Variants in CREB1 observed in about 807,000 individuals in gnomAD.
CREB1 encodes cAMP responsive element binding protein 1, also known as cyclic AMP-responsive element-binding protein 1.
Under a neutral mutation model 42.0 loss-of-function variants are expected in CREB1, and 2 were observed. The ratio of observed to expected loss-of-function variants is 0.05; its 90% confidence interval spans 0.02 to 0.15. The LOEUF (loss-of-function observed/expected upper bound fraction) is 0.15. Among genes scored for constraint, CREB1 ranks in the 10% least tolerant of loss-of-function variants. The probability of loss-of-function intolerance (pLI) is 1.00; values close to 1 mark genes in which losing one functional copy is unlikely to be tolerated. For synonymous variants in CREB1, 123 were observed against 139.9 expected, an observed-to-expected ratio of 0.88 and a Z score of 0.85; for missense variants, 199 against 388.9, an observed-to-expected ratio of 0.51 and a Z score of 4.11.
At position 207,597,207 on chromosome 2, in the gene CREB1, G is replaced by A; in HGVS notation, c.*149G>A. ...AGCAACTACAGAATTTCATTCATTT[G>A]TGCTTTTGCATTAAACTGTGAATGT... is the stretch of plus-strand genomic sequence containing the variant. On this transcript the variant is annotated 3_prime_UTR_variant, in exon 8 of 8. Coordinates refer to ENST00000353267, the MANE Select transcript of CREB1 (RefSeq NM_004379.5). The A allele has an allele frequency of 1.2e-6, 1 of 847,186 alleles. No individual in the cohort carries two copies. Among genetic ancestry groups the A allele is most frequent in the Middle Eastern group, 3.7e-4 (1 of 2,682 alleles). The allele number at this position is 847,186 out of a possible 1,614,324, so 52.5% of individuals were successfully genotyped here. A position where few individuals can be genotyped will look rare whatever the true frequency, so the allele number is the denominator to read the frequency against.
chr2:207,552,692 G>A (rs1355623691), intron 1 of CREB1, among the ~76,000 whole-genome samples: 1 of 147,588 alleles, frequency 6.8e-6, no homozygotes, highest in African/African-American at 2.5e-5. Flanking sequence ...TACAACCTCC[G>A]CCTCCCGGGT....
chr2:207,600,350 A>C lies in CREB1; in HGVS notation c.*3292A>C, dbSNP rs2086850153. On this transcript the variant is annotated 3_prime_UTR_variant, in exon 8 of 8. Transcript: ENST00000353267. ...ATATTGAGGTCAGATGAAATTTTAC[A>C]TTTTTGTGTGTTCTGTTGCATTCCT... The C allele has an allele frequency of 5.4e-6, 1 of 184,540 alleles. No homozygotes were observed. Among genetic ancestry groups the C allele is most frequent in the Non-Finnish European group, 1.1e-5 (1 of 87,300 alleles). 11.4% of individuals were successfully genotyped at this position (184,540 alleles called of 1,614,324 possible).
At chr2:207,533,864 A>G (rs2080757158) in intron 1 of CREB1, among the ~76,000 whole-genome samples, 1 of 152,256 alleles carries the variant, frequency 6.6e-6, no homozygotes, top group South Asian at 2.1e-4. Context: ...TCTGAATCCA[A>G]GCATTGCCAC....
rs964751497 is a variant in CREB1, at chr2:207,602,280, C to A, written c.*5222C>A. ...ATAAAATAGAACAAAGCCGGTGATGCAAGTTGATATTATAAACAGGCAGTT... is the reference window on the plus strand; with the variant it reads ...ATAAAATAGAACAAAGCCGGTGATGAAAGTTGATATTATAAACAGGCAGTT... On this transcript the variant is annotated 3_prime_UTR_variant, in exon 8 of 8. Coordinates refer to ENST00000353267, the MANE Select transcript of CREB1 (RefSeq NM_004379.5). 5.2e-6 allele frequency: 1 copy of A among 190,850 alleles called. No individual in the cohort carries two copies. The highest frequency in any genetic ancestry group is 2.3e-5 in the African/African-American group (1 of 42,840). The allele number at this position is 190,850 out of a possible 1,614,324, so 11.8% of individuals were successfully genotyped here.
At chr2:207,587,309 C>T (rs951006788) in intron 7 of CREB1, among the ~76,000 whole-genome samples, 86 of 151,242 alleles carry the variant, frequency 5.7e-4, no homozygotes, top group African/African-American at 2.0e-3. Context: ...AGGAGAATGG[C>T]GTGAACCCGG....
intron 1 of CREB1, among the ~76,000 whole-genome samples, chr2:207,536,453 G>A (rs1435242990): frequency 2.0e-5 from 3 of 152,082 alleles, no homozygotes; most frequent in Admixed American, 6.5e-5. Flanking sequence ...TACTCAGGAG[G>A]CTGAGGCAGG....
intron 7 of CREB1, 143 bp from the exon 8 acceptor site, chr2:207,596,771 C>T: frequency 1.0e-6 from 1 of 979,236 alleles, no homozygotes; most frequent in Non-Finnish European, 1.5e-6. Flanking sequence ...CCAAGTAATT[C>T]TGTATATCTT....
In CREB1 at chr2:207,600,333, G is replaced by A. The variant is rs1208548378; in HGVS notation, c.*3275G>A. 3 of 180,938 alleles carry A rather than the reference G, an allele frequency of 1.7e-5. No homozygotes were observed. The highest frequency in any genetic ancestry group is 7.1e-5 in the African/African-American group (3 of 42,274). The allele number at this position is 180,938 out of a possible 1,614,324, so 11.2% of individuals were successfully genotyped here. A position where few individuals can be genotyped will look rare whatever the true frequency, so the allele number is the denominator to read the frequency against. On this transcript the variant is annotated 3_prime_UTR_variant, in exon 8 of 8. Coordinates refer to ENST00000353267, the MANE Select transcript of CREB1 (RefSeq NM_004379.5). ...ATGCTGAGTATTATAGTATATTGAG[G>A]TCAGATGAAATTTTACATTTTTGTG...
At chr2:207,560,093 A>T (rs2081896351) in intron 2 of CREB1, 133 bp from the exon 3 acceptor site, 6 of 697,436 alleles carry the variant, frequency 8.6e-6, no homozygotes, top group African/African-American at 3.5e-5. Flanking sequence ...TTTAGTCATT[A>T]CTTTCATATC....
At chr2:207,596,228 G>A (rs1030592056) in intron 7 of CREB1, among the ~76,000 whole-genome samples, 1 of 152,126 alleles carries the variant, frequency 6.6e-6, no homozygotes, top group African/African-American at 2.4e-5. Flanking sequence ...GAGACTGTTA[G>A]ATTTTTTTAA....
At chr2:207,587,657 G>C (rs1318440753) in intron 7 of CREB1, among the ~76,000 whole-genome samples, 1 of 152,186 alleles carries the variant, frequency 6.6e-6, no homozygotes, top group Non-Finnish European at 1.5e-5. Flanking sequence ...GGATGAACTT[G>C]GGGGACATTA....
chr2:207,537,587 T>C lies in CREB1; in HGVS notation c.-9+7453T>C, dbSNP rs542289663. Among the ~76,000 whole-genome samples, 12 of 152,322 alleles carry C rather than the reference T, an allele frequency of 7.9e-5. No individual in the cohort carries two copies. The South Asian group carries it at 2.5e-3, about 32-fold the overall frequency. On this transcript the variant is annotated intron_variant, in intron 1 of 7. Transcript: ENST00000353267. ...TAAATATATGCTAGTTTAGTCATTA[T>C]AGAAGAGCCAGATGCTGGTCAGCTT...
chr2:207,560,151 G>T, intron 2 of CREB1, 75 bp from the exon 3 acceptor site: 1 of 1,367,764 alleles, frequency 7.3e-7, no homozygotes. Flanking sequence ...CTTCTAAAAA[G>T]TTATTTCATA....
At chr2:207,580,198 A>G (rs538617440) in intron 7 of CREB1, among the ~76,000 whole-genome samples, 32 of 152,274 alleles carry the variant, frequency 2.1e-4, no homozygotes, top group South Asian at 1.2e-3. Flanking sequence ...ACACTTTATG[A>G]GATTAGTAGA....
chr2:207,546,596 G>A (rs565759149), intron 1 of CREB1, among the ~76,000 whole-genome samples: 29 of 152,122 alleles, frequency 1.9e-4, no homozygotes, highest in African/African-American at 3.4e-4. Flanking sequence ...CTGTGGTGGC[G>A]GGTGCCTGTA....
chr2:207,536,630 T>C (rs759435529), intron 1 of CREB1, among the ~76,000 whole-genome samples: 5 of 152,230 alleles, frequency 3.3e-5, no homozygotes, highest in African/African-American at 9.6e-5. Flanking sequence ...GTTGATCATA[T>C]ATACAAAGTT....
At chr2:207,587,637 G>C (rs1017706023) in intron 7 of CREB1, among the ~76,000 whole-genome samples, 1 of 152,180 alleles carries the variant, frequency 6.6e-6, no homozygotes, top group Non-Finnish European at 1.5e-5. Context: ...TACATCATTT[G>C]TGGCCATGTG....
In CREB1 at chr2:207,535,674, G is replaced by A. The variant is rs911921190; in HGVS notation, c.-9+5540G>A. On this transcript the variant is annotated intron_variant, in intron 1 of 7. Transcript: ENST00000353267. ...ATAGATGATTTTTTTACCCCCGTGG[G>A]GAAACCTTTGGTCAACCAGTTGGAC... 1.1e-4 allele frequency among the ~76,000 whole-genome samples: 17 copies of A among 151,874 alleles called. 1 individual carries two copies. In the South Asian group the frequency reaches 3.1e-3, roughly 28 times the overall value.
chr2:207,575,987 T>C (rs2082574473), intron 6 of CREB1, among the ~76,000 whole-genome samples: 1 of 134,592 alleles, frequency 7.4e-6, no homozygotes, highest in African/African-American at 2.7e-5. Flanking sequence ...CAGTTTTTAT[T>C]ATTATTATTA....
Sources: allele counts gnomAD v4.1 joint callset (sites outside exome capture counted in the v4.1 genomes callset), GRCh38; gene constraint gnomAD v4.1.1; transcripts MANE v1.5; gene names NCBI Gene and HGNC (gene_info 2026-07-23, HGNC 2026-07-21).